Variants in PTPRA observed in about 807,000 individuals in gnomAD.
The protein encoded by PTPRA is receptor-type tyrosine-protein phosphatase alpha.
In PTPRA, 25 loss-of-function variants were observed where a neutral mutation model predicts 104.8. The observed-to-expected ratio is 0.24, with a 90% confidence interval of 0.17 to 0.33. The LOEUF is 0.33. PTPRA is among the 10% of genes least tolerant of loss of function. PTPRA has a pLI of 1.00. For synonymous variants in PTPRA, 323 were observed against 368.9 expected (o/e 0.88, Z 1.43); for missense variants, 765 against 1,015.3 (o/e 0.75, Z 3.35).
In PTPRA at chr20:2,926,121, T is replaced by C. The variant is rs376133900; in HGVS notation, c.-50+2836T>C. 5.3e-5 allele frequency among the ~76,000 whole-genome samples: 8 copies of C among 152,238 alleles called. No homozygotes were observed. In the East Asian group the frequency reaches 5.8e-4, roughly 11 times the overall value. The stretch of plus-strand genomic sequence containing the variant: ...TCTTTTATTAATAAAAAAGACAACA[T>C]AATTCTTTGCCTCTCCAGTGTGAAA... On this transcript the variant is annotated intron_variant, in intron 2 of 23. Coordinates refer to ENST00000399903, the MANE Select transcript of PTPRA (RefSeq NM_001385305.1).
intron 1 of PTPRA, among the ~76,000 whole-genome samples, chr20:2,888,734 A>G (rs957573870): frequency 1.1e-4 from 16 of 152,172 alleles, no homozygotes; most frequent in African/African-American, 3.4e-4. Context: ...TTCCCTTTCC[A>G]TAGGCATCCA....
At chr20:2,883,716 G>C (rs1282126103) in intron 1 of PTPRA, among the ~76,000 whole-genome samples, 1 of 151,658 alleles carries the variant, frequency 6.6e-6, no homozygotes. Flanking sequence ...TTCCTCGTTG[G>C]AATTTTTTTT....
At chr20:2,867,496 C>T in the PTPRA span, among the ~76,000 whole-genome samples, 145 of 101,872 alleles carry the variant, frequency 1.4e-3, 1 homozygote, top group Non-Finnish European at 1.9e-3. Context: ...TCCAGTGCAC[C>T]CCCTCTGCTC....
intron 2 of PTPRA, among the ~76,000 whole-genome samples, chr20:2,941,026 G>GT (rs71195805): frequency 5.0e-4 from 75 of 151,020 alleles, no homozygotes; most frequent in Middle Eastern, 3.4e-3. Flanking sequence ...TTTTTTGGGG[G>GT]TTTTTTTTGT....
chr20:2,909,964 A>T (rs2059587318), intron 1 of PTPRA, among the ~76,000 whole-genome samples: 1 of 112,562 alleles, frequency 8.9e-6, no homozygotes, highest in African/African-American at 3.9e-5. Flanking sequence ...ATAATATATG[A>T]TATATATATA....
intron 11 of PTPRA, among the ~76,000 whole-genome samples, chr20:3,008,094 A>G (rs996252386): frequency 2.9e-4 from 44 of 152,238 alleles, no homozygotes; most frequent in African/African-American, 1.0e-3. Flanking sequence ...CAGAAAAAAG[A>G]GAGAGGGAAA....
At chr20:2,901,938 T>C (rs1041705574) in intron 1 of PTPRA, among the ~76,000 whole-genome samples, 8 of 151,812 alleles carry the variant, frequency 5.3e-5, no homozygotes, top group Admixed American at 2.0e-4. Flanking sequence ...CAGGCTAGAG[T>C]GCAGTGGCGC....
chr20:2,904,031 T>C (rs972795226), intron 1 of PTPRA, among the ~76,000 whole-genome samples: 2 of 152,002 alleles, frequency 1.3e-5, no homozygotes, highest in Non-Finnish European at 2.9e-5. Flanking sequence ...CAGTCTCTCT[T>C]GAGTAGCTAG....
In PTPRA at chr20:2,873,558, C is replaced by G. The variant is rs2089491598; in HGVS notation, c.-331C>G. ...CGCGATCGCGCTCGGACCCCGGCCG[C>G]TGCCGCCATCACTGTCGCCCGCCCA... On this transcript the variant is annotated 5_prime_UTR_variant, in exon 1 of 24. Transcript: ENST00000399903. The surrounding 1 kb of genome is among the most constrained non-coding windows in gnomAD (Gnocchi z 4.4). 6.6e-6 allele frequency: 1 copy of G among 151,620 alleles called. No homozygotes were observed. The highest frequency in any genetic ancestry group is 2.4e-5 in the African/African-American group (1 of 41,370). The allele number at this position is 151,620 out of a possible 1,614,324, so 9.4% of individuals were successfully genotyped here. A position where few individuals can be genotyped will look rare whatever the true frequency, so the allele number is the denominator to read the frequency against.
chr20:2,949,934 G>A (rs1027687837), intron 3 of PTPRA, among the ~76,000 whole-genome samples: 2 of 151,852 alleles, frequency 1.3e-5, no homozygotes, highest in Admixed American at 1.3e-4. Flanking sequence ...AACTCAACTG[G>A]ATCATGATTT....
At chr20:3,023,789 C>G (rs1355987611) in intron 16 of PTPRA, among the ~76,000 whole-genome samples, 2 of 152,154 alleles carry the variant, frequency 1.3e-5, no homozygotes, top group East Asian at 3.9e-4. Flanking sequence ...GTCCCCTGGC[C>G]CACTGTTCTT....
chr20:3,009,728 T>C (rs1307455979), intron 11 of PTPRA, among the ~76,000 whole-genome samples: 1 of 152,140 alleles, frequency 6.6e-6, no homozygotes, highest in Non-Finnish European at 1.5e-5. Flanking sequence ...ACATCGAAGA[T>C]CATGATGAAG....
intron 1 of PTPRA, among the ~76,000 whole-genome samples, chr20:2,881,704 T>C (rs2090059586): frequency 3.3e-5 from 5 of 152,064 alleles, no homozygotes; most frequent in Admixed American, 1.3e-4. Flanking sequence ...ATTGTTCTTA[T>C]AAAAGACAAA....
chr20:3,018,865 A>G (rs2064632879), intron 13 of PTPRA, among the ~76,000 whole-genome samples: 1 of 90,182 alleles, frequency 1.1e-5, no homozygotes, highest in Non-Finnish European at 2.0e-5. Flanking sequence ...TGATCCCCCC[A>G]CCTCCCTCCC....
intron 2 of PTPRA, among the ~76,000 whole-genome samples, chr20:2,944,124 T>G (rs2061037130): frequency 6.8e-6 from 1 of 147,100 alleles, no homozygotes; most frequent in African/African-American, 2.5e-5. Flanking sequence ...CACTGTAACC[T>G]CCGCCTCCCA....
chr20:2,984,890 G>A (rs1312954650), intron 6 of PTPRA, among the ~76,000 whole-genome samples: 4 of 152,166 alleles, frequency 2.6e-5, no homozygotes, highest in Non-Finnish European at 4.4e-5. Flanking sequence ...TCCTCAGAGA[G>A]ACCTTCCCAG....
At chr20:2,983,616 T>G (rs549399800) in intron 6 of PTPRA, among the ~76,000 whole-genome samples, 138 of 148,312 alleles carry the variant, frequency 9.3e-4, no homozygotes, top group Middle Eastern at 7.2e-3. Context: ...TTTAGATATA[T>G]CTCCAAAATA....
At chr20:2,945,766 T>G (rs2061104709) in intron 2 of PTPRA, among the ~76,000 whole-genome samples, 1 of 151,862 alleles carries the variant, frequency 6.6e-6, no homozygotes, top group African/African-American at 2.4e-5. Context: ...CTGTCTCTTC[T>G]GAAAATACAA....
intron 1 of PTPRA, among the ~76,000 whole-genome samples, chr20:2,913,479 A>C (rs2059794257): frequency 6.6e-6 from 1 of 152,192 alleles, no homozygotes; most frequent in African/African-American, 2.4e-5. Flanking sequence ...CAAAAGGTGA[A>C]GGATCCAGTT....
Sources: allele counts gnomAD v4.1 joint callset (sites outside exome capture counted in the v4.1 genomes callset), GRCh38; gene constraint gnomAD v4.1.1; non-coding constraint Gnocchi (gnomAD v3.1); transcripts MANE v1.5; gene names NCBI Gene and HGNC (gene_info 2026-07-23, HGNC 2026-07-21).